Variants in GRM7 observed in about 807,000 individuals in gnomAD.
GRM7 encodes glutamate metabotropic receptor 7, also known as metabotropic glutamate receptor 7.
In GRM7, 35 loss-of-function variants were observed where a neutral mutation model predicts 84.5. The ratio of observed to expected loss-of-function variants is 0.41; its 90% CI spans 0.32 to 0.55. GRM7 has a LOEUF of 0.55. GRM7 is among the 20% of genes least tolerant of loss of function. The probability of loss-of-function intolerance (pLI) is 0.19; values close to 1 mark genes in which losing one functional copy is unlikely to be tolerated. For missense variants in GRM7, 1,003 were observed against 1,194.6 expected, an observed-to-expected ratio of 0.84 and a Z score of 2.36; for synonymous variants, 487 against 455.1, an observed-to-expected ratio of 1.07 and a Z score of -0.89.
At chr3:7,376,933 T>A (rs555266609) in intron 4 of GRM7, among the ~76,000 whole-genome samples, 119 of 152,266 alleles carry the variant, frequency 7.8e-4, no homozygotes, top group African/African-American at 2.8e-3. Flanking sequence ...CACCTCCCCA[T>A]TTGTGACAAC....
intron 9 of GRM7, among the ~76,000 whole-genome samples, chr3:7,696,527 C>T (rs892810142): frequency 2.0e-5 from 3 of 152,132 alleles, no homozygotes; most frequent in African/African-American, 7.2e-5. Flanking sequence ...TCCTTAGTAA[C>T]AGAAAAGCCA....
chr3:7,591,988 G>T (rs1441202907), intron 8 of GRM7, among the ~76,000 whole-genome samples: 3 of 152,090 alleles, frequency 2.0e-5, no homozygotes, highest in African/African-American at 7.2e-5. Flanking sequence ...CTGGGTTTCA[G>T]TTTCCTTGTT....
intron 2 of GRM7, among the ~76,000 whole-genome samples, chr3:7,222,466 T>C (rs1051241229): frequency 6.6e-6 from 1 of 152,004 alleles, no homozygotes; most frequent in African/African-American, 2.4e-5. Context: ...AGCAAGGAAA[T>C]GGAGCCTCAG....
Position 7,587,215 on chromosome 3 carries a change from G to C in GRM7, c.2451+7858G>C, listed in dbSNP as rs1464885557. ...TCTCCCCTCTTCCTCTTTTTTTCTT[G>C]AAATGTAATCATTAAGCGGCCTTAT... is the stretch of plus-strand genomic sequence containing the variant. On this transcript the variant is annotated intron_variant, in intron 8 of 9. Transcript: ENST00000357716. Among the ~76,000 whole-genome samples the C allele has an allele frequency of 2.6e-5, 4 of 151,592 alleles. No individual in the cohort carries two copies. The East Asian group carries it at 5.8e-4, about 22-fold the overall frequency.
At chr3:7,164,797 A>G (rs993329458) in intron 2 of GRM7, among the ~76,000 whole-genome samples, 1 of 152,236 alleles carries the variant, frequency 6.6e-6, no homozygotes, top group African/African-American at 2.4e-5. Flanking sequence ...TGGGATGAAT[A>G]AATTCAAGCA....
intron 8 of GRM7, among the ~76,000 whole-genome samples, chr3:7,615,688 G>A (rs565966647): frequency 6.6e-6 from 1 of 152,110 alleles, no homozygotes; most frequent in East Asian, 1.9e-4. Context: ...ATTTTATAAG[G>A]TTTTCCAGAA....
intron 1 of GRM7, among the ~76,000 whole-genome samples, chr3:6,980,477 T>C (rs191611037): frequency 2.6e-5 from 4 of 152,346 alleles, no homozygotes; most frequent in Non-Finnish European, 5.9e-5. Context: ...TACTGCATAC[T>C]TGGGAAGCCT....
chr3:6,928,918 G>A lies in GRM7; in HGVS notation c.519+67011G>A, dbSNP rs959654745. Reference sequence around the variant, plus strand: ...AGTGTTTTAAAGTGATTTTTCCCTCGGCAGTTTTGATTAGATGCCTTGGGT... The same window carrying A: ...AGTGTTTTAAAGTGATTTTTCCCTCAGCAGTTTTGATTAGATGCCTTGGGT... On this transcript the variant is annotated intron_variant, in intron 1 of 9. Coordinates refer to ENST00000357716, the MANE Select transcript of GRM7 (RefSeq NM_000844.4). The surrounding 1 kb of genome is among the most constrained non-coding windows in gnomAD (Gnocchi z 4.5). Among the ~76,000 whole-genome samples, 6 of 152,076 alleles carry A rather than the reference G, an allele frequency of 3.9e-5. No homozygotes were observed. Among genetic ancestry groups the A allele is most frequent in the African/African-American group, 7.2e-5 (3 of 41,418 alleles).
chr3:7,585,604 G>C (rs1244795011), intron 8 of GRM7, among the ~76,000 whole-genome samples: 2 of 151,966 alleles, frequency 1.3e-5, no homozygotes, highest in African/African-American at 4.8e-5. Flanking sequence ...CTGCTAAAAG[G>C]GAAGACTCAA....
chr3:7,667,339 T>C (rs1261512538), intron 8 of GRM7, among the ~76,000 whole-genome samples: 1 of 151,756 alleles, frequency 6.6e-6, no homozygotes, highest in East Asian at 1.9e-4. Context: ...AGAATAACAT[T>C]TTCAGGCACT....
chr3:7,548,105 A>G (rs1693259433), intron 7 of GRM7, among the ~76,000 whole-genome samples: 1 of 152,202 alleles, frequency 6.6e-6, no homozygotes, highest in African/African-American at 2.4e-5. Flanking sequence ...TGTCTCCTCC[A>G]AATATGATGT....
intron 1 of GRM7, among the ~76,000 whole-genome samples, chr3:6,898,300 A>T (rs1203318389): frequency 6.6e-6 from 1 of 151,964 alleles, no homozygotes; most frequent in Non-Finnish European, 1.5e-5. Context: ...TGGGCGTGAA[A>T]GGAAAATTTG....
intron 5 of GRM7, among the ~76,000 whole-genome samples, chr3:7,447,926 A>AGT (rs1697592654): frequency 9.4e-6 from 1 of 106,142 alleles, no homozygotes; most frequent in Non-Finnish European, 1.8e-5. Flanking sequence ...CAGTCCCCGG[A>AGT]ATGTGATGTT....
chr3:7,474,163 A>G (rs565157750), intron 7 of GRM7, among the ~76,000 whole-genome samples: 105 of 152,322 alleles, frequency 6.9e-4, no homozygotes, highest in African/African-American at 2.5e-3. Flanking sequence ...AAATAGCACA[A>G]CCACTGAGCT....
chr3:7,195,337 G>T lies in GRM7; in HGVS notation c.736+48669G>T, dbSNP rs555834768. 4.1e-3 allele frequency among the ~76,000 whole-genome samples: 624 copies of T among 152,182 alleles called. 10 individuals carry two copies. Among genetic ancestry groups the T allele is most frequent in the Non-Finnish European group, 1.9e-3 (132 of 68,008 alleles). The stretch of plus-strand genomic sequence containing the variant: ...TAGTTTGGTGGCTTCTTGTGGATGG[G>T]AGCCATGAAAACAAATTGCAATAGA... On this transcript the variant is annotated intron_variant, in intron 2 of 9. Coordinates refer to ENST00000357716, the MANE Select transcript of GRM7 (RefSeq NM_000844.4).
intron 2 of GRM7, among the ~76,000 whole-genome samples, chr3:7,262,644 C>T (rs529839847): frequency 1.2e-4 from 19 of 152,270 alleles, no homozygotes; most frequent in African/African-American, 4.3e-4. Flanking sequence ...TGCTAAAGAA[C>T]TGGTGTAGTT....
intron 4 of GRM7, among the ~76,000 whole-genome samples, chr3:7,330,958 G>A (rs562152738): frequency 7.2e-5 from 11 of 152,212 alleles, no homozygotes; most frequent in Non-Finnish European, 1.5e-4. Flanking sequence ...CTTCAGAGAG[G>A]CATCTCATGA....
intron 1 of GRM7, among the ~76,000 whole-genome samples, chr3:6,980,937 A>T (rs1694175882): frequency 6.6e-6 from 1 of 152,196 alleles, no homozygotes; most frequent in Non-Finnish European, 1.5e-5. Flanking sequence ...TGAAGTTACA[A>T]AATGCTAAAC....
At chr3:7,150,546 G>A (rs1694253292) in intron 2 of GRM7, among the ~76,000 whole-genome samples, 1 of 152,158 alleles carries the variant, frequency 6.6e-6, no homozygotes, top group South Asian at 2.1e-4. Flanking sequence ...AATATGTGTG[G>A]ATACTTTTCC....
Sources: allele counts gnomAD v4.1 joint callset (sites outside exome capture counted in the v4.1 genomes callset), GRCh38; gene constraint gnomAD v4.1.1; non-coding constraint Gnocchi (gnomAD v3.1); transcripts MANE v1.5; gene names NCBI Gene and HGNC (gene_info 2026-07-23, HGNC 2026-07-21).